The following CDC37L1 variants were observed in gnomAD, a reference collection of about 807,000 sequenced individuals.
CDC37L1 encodes the protein cell division cycle 37 like 1, HSP90 cochaperone.
In CDC37L1, 32 loss-of-function variants were observed where a neutral mutation model predicts 45.9. That is an observed-to-expected ratio of 0.70 (90% confidence interval 0.53 to 0.94). CDC37L1 has a LOEUF of 0.94. CDC37L1 is among the 40% of genes least tolerant of loss of function. The probability of loss-of-function intolerance (pLI) is 0.00; values close to 1 mark genes in which losing one functional copy is unlikely to be tolerated. For synonymous variants in CDC37L1, 150 were observed against 133.0 expected (o/e 1.13, Z -0.88); for missense variants, 434 against 405.7 (o/e 1.07, Z -0.60).
At position 4,706,270 on chromosome 9, in the gene CDC37L1, G is replaced by T; in HGVS notation, c.*158G>T. 1 of 449,930 alleles carries T rather than the reference G, an allele frequency of 2.2e-6. No homozygotes were observed. Among genetic ancestry groups the T allele is most frequent in the Admixed American group, 3.6e-5 (1 of 28,168 alleles). The allele number at this position is 449,930 out of a possible 1,614,324, so 27.9% of individuals were successfully genotyped here. A position where few individuals can be genotyped will look rare whatever the true frequency, so the allele number is the denominator to read the frequency against. On this transcript the variant is annotated 3_prime_UTR_variant, in exon 7 of 7. Coordinates refer to ENST00000381854, the MANE Select transcript of CDC37L1 (RefSeq NM_017913.4). ...ATGTTTTGTAAATTTTTTTTAATGT[G>T]CTGCTAGGTTTTTTGTTTTGTTTTG...
Position 4,685,070 on chromosome 9 carries a change from A to T in CDC37L1, c.326A>T (p.Glu109Val), listed in dbSNP as rs542213277. 23 of 1,613,958 alleles carry T rather than the reference A, an allele frequency of 1.4e-5. No individual in the cohort carries two copies. Among genetic ancestry groups the T allele is most frequent in the Non-Finnish European group, 1.9e-5 (23 of 1,179,804 alleles). Reference sequence around the variant, plus strand: ...TCAGAACTGAGGCAACGGGAAGAAGAGTGGCGACAGAAAGAAGAAGCTCTA... The same window carrying T: ...TCAGAACTGAGGCAACGGGAAGAAGTGTGGCGACAGAAAGAAGAAGCTCTA... ...AVSELRQREEEWRQKEEALVQ... is the reference protein window; with the variant it reads ...AVSELRQREEVWRQKEEALVQ... Residue 109 changes from glutamate to valine, a missense_variant, in exon 2 of 7, where the codon GAG becomes GTG. Glu to Val is a moderately radical substitution (Grantham distance 121). Transcript: ENST00000381854.
chr9:4,688,817 G>A (rs987313036), intron 3 of CDC37L1, among the ~76,000 whole-genome samples: 1 of 151,630 alleles, frequency 6.6e-6, no homozygotes, highest in Non-Finnish European at 1.5e-5. Flanking sequence ...ATGGTAAAGA[G>A]AAGCAAAAGT....
chr9:4,681,614 C>T (rs1841194676), intron 1 of CDC37L1, among the ~76,000 whole-genome samples: 1 of 151,902 alleles, frequency 6.6e-6, no homozygotes, highest in Admixed American at 6.6e-5. Context: ...CCAGCCTGGG[C>T]AACAAGAGCG....
chr9:4,680,543 C>T (rs1841181626), intron 1 of CDC37L1, among the ~76,000 whole-genome samples: 1 of 152,184 alleles, frequency 6.6e-6, no homozygotes, highest in South Asian at 2.1e-4. Flanking sequence ...CTTCAGACTT[C>T]TCTTAGGTTC....
rs1296482079 is a variant in CDC37L1 at position 4,705,131 on chromosome 9, G to T, written c.913-880G>T. On this transcript the variant is annotated intron_variant, in intron 6 of 6. Transcript: ENST00000381854. ...CTGCCTCCCAACCTCCTATTGGATG[G>T]TGAGGTTTAAGACATCTATCCTGTT... Among the ~76,000 whole-genome samples, 2 of 152,256 alleles carry T rather than the reference G, an allele frequency of 1.3e-5. 1 individual carries two copies. Among genetic ancestry groups the T allele is most frequent in the South Asian group, 4.1e-4 (2 of 4,822 alleles).
rs995806991 is a variant in CDC37L1 at position 4,708,258 on chromosome 9, G to A, written c.*2146G>A. 4 of 152,116 alleles carry A rather than the reference G, an allele frequency of 2.6e-5. No homozygotes were observed. Among genetic ancestry groups the A allele is most frequent in the African/African-American group, 9.7e-5 (4 of 41,410 alleles). The allele number at this position is 152,116 out of a possible 1,614,324, so 9.4% of individuals were successfully genotyped here. A position where few individuals can be genotyped will look rare whatever the true frequency, so the allele number is the denominator to read the frequency against. On this transcript the variant is annotated 3_prime_UTR_variant, in exon 7 of 7. Transcript: ENST00000381854. ...AGCAAAGGGATAATTTATATTTCAG[G>A]TTGGACAATTTACCCTAAACAAATT...
chr9:4,694,773 G>C (rs1841331318), intron 3 of CDC37L1, among the ~76,000 whole-genome samples: 1 of 152,134 alleles, frequency 6.6e-6, no homozygotes, highest in Non-Finnish European at 1.5e-5. Flanking sequence ...AGGAGGCTGA[G>C]GCAGGAGAAT....
At chr9:4,698,802 C>T (rs1460492711) in intron 5 of CDC37L1, among the ~76,000 whole-genome samples, 1 of 152,056 alleles carries the variant, frequency 6.6e-6, no homozygotes, top group Non-Finnish European at 1.5e-5. Flanking sequence ...ATTTTCATTC[C>T]TCAGTAGTGT....
intron 6 of CDC37L1, chr9:4,703,210 T>A (rs544371548): frequency 1.7e-6 from 2 of 1,211,602 alleles, no homozygotes; most frequent in East Asian, 2.9e-5. Flanking sequence ...CATAAAGTGC[T>A]AAAAATTGGG....
Position 4,707,929 on chromosome 9 carries a change from T to C in CDC37L1, c.*1817T>C, listed in dbSNP as rs1382352331. The C allele has an allele frequency of 6.6e-6, 1 of 152,246 alleles. No homozygotes were observed. Among genetic ancestry groups the C allele is most frequent in the Non-Finnish European group, 1.5e-5 (1 of 68,040 alleles). 9.4% of individuals were successfully genotyped at this position (152,246 alleles called of 1,614,324 possible). On this transcript the variant is annotated 3_prime_UTR_variant, in exon 7 of 7. Transcript: ENST00000381854. ...TTTGCCTTCTCTAAGTTAGAGGTAT[T>C]TAATGACTGAAGACTGGCAGGAGAG... is the stretch of plus-strand genomic sequence containing the variant.
At chr9:4,682,670 G>A (rs1365670485) in intron 1 of CDC37L1, among the ~76,000 whole-genome samples, 2 of 150,864 alleles carry the variant, frequency 1.3e-5, no homozygotes, top group Non-Finnish European at 3.0e-5. Context: ...ACGGGGTTTC[G>A]CCATGTTGGC....
chr9:4,684,830 A>G, intron 1 of CDC37L1, 47 bp from the exon 2 acceptor site: 4 of 1,410,478 alleles, frequency 2.8e-6, no homozygotes, highest in Admixed American at 1.8e-5. Flanking sequence ...GTGCTGCACA[A>G]ACATCCATTG....
rs1435511227 is a variant in CDC37L1 at position 4,697,969 on chromosome 9, C to T, written c.747+90C>T. ...TTCATATCAATAGAAGGCATCCAAG[C>T]AGGATGCCACAGGCTAAATTCTGTA... On this transcript the variant is annotated intron_variant, in intron 5 of 6. Coordinates refer to ENST00000381854, the MANE Select transcript of CDC37L1 (RefSeq NM_017913.4). 4.6e-6 allele frequency: 5 copies of T among 1,088,020 alleles called. No homozygotes were observed. In the East Asian group the frequency reaches 7.4e-5, roughly 16 times the overall value. 67.4% of individuals were successfully genotyped at this position (1,088,020 alleles called of 1,614,324 possible). A position where few individuals can be genotyped will look rare whatever the true frequency, so the allele number is the denominator to read the frequency against.
Position 4,697,142 on chromosome 9 carries a change from T to G in CDC37L1, c.555T>G (p.His185Gln). The change falls in exon 4 of 7, where the codon CAT becomes CAG. Residue 185 changes from histidine to glutamine, a missense_variant. By Grantham distance (24) the His-to-Gln change is conservative (BLOSUM62 0). Coordinates refer to ENST00000381854, the MANE Select transcript of CDC37L1 (RefSeq NM_017913.4). ...WDDSQRFLSDHPYLVCEETAK... is the reference protein window; with the variant it reads ...WDDSQRFLSDQPYLVCEETAK... ...ATAGCCAGAGATTTTTGTCTGACCA[T>G]CCATACCTTGTATGTGAAGAAACTG... 1 of 1,596,380 alleles carries G rather than the reference T, an allele frequency of 6.3e-7. No individual in the cohort carries two copies. The highest frequency in any genetic ancestry group is 8.6e-7 in the Non-Finnish European group (1 of 1,164,618).
At chr9:4,683,663 T>G (rs1006166865) in intron 1 of CDC37L1, among the ~76,000 whole-genome samples, 2 of 152,186 alleles carry the variant, frequency 1.3e-5, no homozygotes, top group South Asian at 2.1e-4. Context: ...TCAGATTCAT[T>G]TTTTGGAAAG....
At position 4,697,080 on chromosome 9, in the gene CDC37L1, A is replaced by T. The variant is rs7025425; in HGVS notation, c.509-16A>T. ...GAAAATATTTGACACTTATGGTTCA[A>T]TTCTTTTTTTTACAGGTATGTTGAG... On this transcript the variant is annotated splice_polypyrimidine_tract_variant and intron_variant, in intron 3 of 6. Transcript: ENST00000381854. The T allele has an allele frequency of 2.1e-5, 24 of 1,128,058 alleles. No homozygotes were observed. The South Asian group carries it at 3.1e-4, about 15-fold the overall frequency. 69.9% of individuals were successfully genotyped at this position (1,128,058 alleles called of 1,614,324 possible).
Position 4,701,958 on chromosome 9 carries a change from C to G in CDC37L1, c.842C>G (p.Pro281Arg), listed in dbSNP as rs1188620156. The part of the protein sequence containing the change: ...RLYSQSQSFQ[P>R]MTVQNHVPHS... ...TATTCTCAATCACAAAGTTTTCAACCTATGACAGTTCAGAATCATGTTCCC... is the reference window on the plus strand; with the variant it reads ...TATTCTCAATCACAAAGTTTTCAACGTATGACAGTTCAGAATCATGTTCCC... Residue 281 changes from proline to arginine, a missense_variant, in exon 6 of 7, where the codon CCT (proline) becomes CGT (arginine). Pro to Arg is a moderately radical substitution (Grantham distance 103). Transcript: ENST00000381854. 5.1e-6 allele frequency: 8 copies of G among 1,575,500 alleles called. No individual in the cohort carries two copies. Among genetic ancestry groups the G allele is most frequent in the Non-Finnish European group, 6.9e-6 (8 of 1,163,646 alleles).
At chr9:4,694,934 C>A (rs2130850148) in intron 3 of CDC37L1, among the ~76,000 whole-genome samples, 1 of 152,180 alleles carries the variant, frequency 6.6e-6, no homozygotes, top group South Asian at 2.1e-4. Context: ...GTGTCAGGAA[C>A]CCTTTCATGT....
intron 3 of CDC37L1, among the ~76,000 whole-genome samples, chr9:4,694,296 C>G (rs1242687206): frequency 1.3e-5 from 2 of 152,042 alleles, no homozygotes; most frequent in Non-Finnish European, 2.9e-5. Flanking sequence ...CCTAGACTGA[C>G]CTAAAACTCC....
Sources: allele counts gnomAD v4.1 joint callset (sites outside exome capture counted in the v4.1 genomes callset), GRCh38; gene constraint gnomAD v4.1.1; transcripts MANE v1.5; gene names NCBI Gene and HGNC (gene_info 2026-07-23, HGNC 2026-07-21).